The following ARHGAP26 variants were observed in gnomAD, a reference collection of about 807,000 sequenced individuals.
ARHGAP26 encodes rho GTPase-activating protein 26.
A neutral mutation model predicts 104.8 loss-of-function variants in ARHGAP26; 38 were observed. The ratio of observed to expected loss-of-function variants is 0.36; its 90% CI spans 0.28 to 0.48. The LOEUF is 0.48. ARHGAP26 is among the 20% of genes least tolerant of loss of function. ARHGAP26 has a pLI of 0.99. For synonymous variants in ARHGAP26, 341 were observed against 340.0 expected (o/e 1.00, Z -0.03); for missense variants, 704 against 947.9 (o/e 0.74, Z 3.38).
chr5:143,021,437 A>G (rs1232612240), intron 12 of ARHGAP26, among the ~76,000 whole-genome samples: 2 of 152,210 alleles, frequency 1.3e-5, no homozygotes, highest in South Asian at 2.1e-4. Context: ...GTTATTCATA[A>G]TAGCTTCAAA....
chr5:143,002,036 A>G (rs1322140772), intron 11 of ARHGAP26, among the ~76,000 whole-genome samples: 2 of 152,226 alleles, frequency 1.3e-5, no homozygotes, highest in East Asian at 1.9e-4. Context: ...TGCCTCTCCA[A>G]GGGGCATTGT....
At chr5:143,019,490 G>A (rs1780037260) in intron 12 of ARHGAP26, among the ~76,000 whole-genome samples, 1 of 151,896 alleles carries the variant, frequency 6.6e-6, no homozygotes, top group South Asian at 2.1e-4. Flanking sequence ...ATATCTTTAG[G>A]GAGTTATAAA....
At chr5:142,805,493 A>G (rs1342368012) in intron 1 of ARHGAP26, among the ~76,000 whole-genome samples, 1 of 152,154 alleles carries the variant, frequency 6.6e-6, no homozygotes, top group African/African-American at 2.4e-5. Flanking sequence ...AAATTTTTGT[A>G]CAAGTTTTTG....
chr5:143,012,548 C>CATATATATATATATATGTATATATAT (rs1414408846), intron 11 of ARHGAP26, among the ~76,000 whole-genome samples: 3 of 23,342 alleles, frequency 1.3e-4, no homozygotes, highest in Admixed American at 7.2e-4. Flanking sequence ...TATATACATA[C>CATATATATATATATATGTATATATAT]ATACATATAT....
chr5:142,999,323 C>A (rs1414324072), intron 11 of ARHGAP26, among the ~76,000 whole-genome samples: 1 of 152,164 alleles, frequency 6.6e-6, no homozygotes, highest in Non-Finnish European at 1.5e-5. Context: ...CAATGCTCAG[C>A]ACACTTACCT....
chr5:143,025,729 C>T (rs1283294836), intron 12 of ARHGAP26, among the ~76,000 whole-genome samples: 3 of 152,228 alleles, frequency 2.0e-5, no homozygotes, highest in Non-Finnish European at 4.4e-5. Context: ...CTCCTTCCAT[C>T]CCAGGCAGAT....
intron 17 of ARHGAP26, among the ~76,000 whole-genome samples, chr5:143,100,540 C>CT (rs1295015719): frequency 1.3e-5 from 2 of 152,238 alleles, no homozygotes; most frequent in African/African-American, 4.8e-5. Flanking sequence ...GTTTCTTGTA[C>CT]TTACGGTATC....
At chr5:143,159,050 GC>G (rs1165088775) in intron 20 of ARHGAP26, among the ~76,000 whole-genome samples, 1 of 152,198 alleles carries the variant, frequency 6.6e-6, no homozygotes, top group African/African-American at 2.4e-5. Context: ...AGCAGCTGCT[GC>G]CCAGTCACCA....
Position 143,228,319 on chromosome 5 carries a change from C to A in ARHGAP26, c.*5873C>A. The A allele has an allele frequency of 4.5e-6, 1 of 224,496 alleles. No homozygotes were observed. Among genetic ancestry groups the A allele is most frequent in the Non-Finnish European group, 8.9e-6 (1 of 112,648 alleles). 13.9% of individuals were successfully genotyped at this position (224,496 alleles called of 1,614,324 possible). A position where few individuals can be genotyped will look rare whatever the true frequency, so the allele number is the denominator to read the frequency against. Reference sequence around the variant, plus strand: ...ACTTACAGAGACCCACATGAGCTGGCACTTTCTGAGCCTTTACAGCCTTTA... The same window carrying A: ...ACTTACAGAGACCCACATGAGCTGGAACTTTCTGAGCCTTTACAGCCTTTA... On this transcript the variant is annotated 3_prime_UTR_variant, in exon 23 of 23. Coordinates refer to ENST00000645722, the MANE Select transcript of ARHGAP26 (RefSeq NM_001135608.3).
chr5:143,222,059 T>G (rs1479073102), intron 22 of ARHGAP26, among the ~76,000 whole-genome samples: 1 of 152,172 alleles, frequency 6.6e-6, no homozygotes, highest in Non-Finnish European at 1.5e-5. Context: ...AGAAAATCCG[T>G]GAAACCCCTA....
intron 17 of ARHGAP26, among the ~76,000 whole-genome samples, chr5:143,101,598 A>T (rs987439196): frequency 6.6e-6 from 1 of 150,916 alleles, no homozygotes; most frequent in Non-Finnish European, 1.5e-5. Context: ...GTCAGATATA[A>T]TGCTCTTCAG....
intron 11 of ARHGAP26, among the ~76,000 whole-genome samples, chr5:142,959,548 C>T (rs1769844848): frequency 6.6e-6 from 1 of 152,122 alleles, no homozygotes; most frequent in African/African-American, 2.4e-5. Flanking sequence ...GGACCCCCTC[C>T]CAGCCTCTGG....
chr5:143,177,477 A>G (rs1803639191), intron 20 of ARHGAP26, among the ~76,000 whole-genome samples: 1 of 152,216 alleles, frequency 6.6e-6, no homozygotes, highest in African/African-American at 2.4e-5. Context: ...AAAACCTGGC[A>G]GAGCTGGCAC....
intron 22 of ARHGAP26, chr5:143,216,191 G>A (rs923613614): frequency 8.5e-6 from 4 of 471,398 alleles, no homozygotes; most frequent in African/African-American, 2.0e-5. Flanking sequence ...CCCCAGCAGA[G>A]TGTCCTTCAG....
At chr5:142,856,144 C>T (rs892851423) in intron 1 of ARHGAP26, among the ~76,000 whole-genome samples, 1 of 152,182 alleles carries the variant, frequency 6.6e-6, no homozygotes, top group Non-Finnish European at 1.5e-5. Flanking sequence ...TGACCTGGTC[C>T]CTGTCTTCTT....
intron 19 of ARHGAP26, 83 bp from the exon 20 acceptor site, chr5:143,147,148 T>G (rs1799261954): frequency 6.9e-7 from 1 of 1,448,300 alleles, no homozygotes; most frequent in Admixed American, 2.0e-5. Flanking sequence ...CCAGTCTTAT[T>G]CTTTATACAT....
At chr5:142,858,321 A>G (rs1752745281) in intron 1 of ARHGAP26, among the ~76,000 whole-genome samples, 1 of 152,216 alleles carries the variant, frequency 6.6e-6, no homozygotes, top group African/African-American at 2.4e-5. Flanking sequence ...TTTTAAAATA[A>G]TATCAGTGGT....
At chr5:142,810,926 T>C (rs1327377064) in intron 1 of ARHGAP26, among the ~76,000 whole-genome samples, 1 of 152,230 alleles carries the variant, frequency 6.6e-6, no homozygotes, top group African/African-American at 2.4e-5. Flanking sequence ...GAAGTTCTGT[T>C]GTAGATTGTA....
Position 142,871,125 on chromosome 5 carries a change from C to T in ARHGAP26, c.155-2275C>T, listed in dbSNP as rs183805943. Among the ~76,000 whole-genome samples, 173 of 152,322 alleles carry T rather than the reference C, an allele frequency of 1.1e-3. No homozygotes were observed. The highest frequency in any genetic ancestry group is 2.1e-3 in the Non-Finnish European group (142 of 68,020). ...ATTACCTAATCGTCTATCGGGGGAT[C>T]GGCCTGTCCTTCAGCTTCATGGGGT... On this transcript the variant is annotated intron_variant, in intron 1 of 22. Transcript: ENST00000645722. This position sits in a 1 kb window ranked among gnomAD's most constrained non-coding sequence, Gnocchi z 4.1.
Sources: allele counts gnomAD v4.1 joint callset (sites outside exome capture counted in the v4.1 genomes callset), GRCh38; gene constraint gnomAD v4.1.1; non-coding constraint Gnocchi (gnomAD v3.1); transcripts MANE v1.5; gene names NCBI Gene and HGNC (gene_info 2026-07-23, HGNC 2026-07-21).